Variants in ERBB4 observed in about 807,000 individuals in gnomAD.
The protein encoded by ERBB4 is erb-b2 receptor tyrosine kinase 4, also known as receptor tyrosine-protein kinase erbB-4.
In ERBB4, 42 loss-of-function variants were observed where a neutral mutation model predicts 158.0. The observed-to-expected ratio is 0.27, with a 90% CI of 0.21 to 0.34. ERBB4 has a LOEUF of 0.34. ERBB4 is among the 10% of genes least tolerant of loss of function. The pLI is 1.00. For missense variants in ERBB4, 1,333 were observed against 1,624.1 expected (o/e 0.82, Z 3.08); for synonymous variants, 583 against 558.7 (o/e 1.04, Z -0.61).
At chr2:211,430,854 C>A in intron 21 of ERBB4, 91 bp downstream of exon 21, 5 of 1,129,070 alleles carry the variant, frequency 4.4e-6, no homozygotes, top group Non-Finnish European at 6.7e-6. Context: ...TCCTAAGCTT[C>A]AGGCTTATTG....
chr2:212,290,309 C>CTA (rs1166816094), intron 1 of ERBB4, among the ~76,000 whole-genome samples: 3 of 152,118 alleles, frequency 2.0e-5, no homozygotes, highest in African/African-American at 7.2e-5. Context: ...CCAACGACTT[C>CTA]TACGTGTACA....
chr2:212,037,594 A>G (rs917597871), intron 2 of ERBB4, among the ~76,000 whole-genome samples: 1 of 152,224 alleles, frequency 6.6e-6, no homozygotes, highest in African/African-American at 2.4e-5. Context: ...CCAATGCAGA[A>G]GAATACAGAG....
intron 3 of ERBB4, among the ~76,000 whole-genome samples, chr2:211,825,473 T>A (rs2077081756): frequency 6.6e-6 from 1 of 151,772 alleles, no homozygotes; most frequent in African/African-American, 2.4e-5. Context: ...AACAACAAAT[T>A]AAATCCCATT....
intron 2 of ERBB4, among the ~76,000 whole-genome samples, chr2:212,123,557 A>T (rs2079825674): frequency 6.6e-6 from 1 of 152,262 alleles, no homozygotes; most frequent in Non-Finnish European, 1.5e-5. Context: ...CACATAACTT[A>T]CAGAAACAGA....
chr2:211,531,835 A>G (rs894022816), intron 20 of ERBB4, among the ~76,000 whole-genome samples: 1 of 152,140 alleles, frequency 6.6e-6, no homozygotes, highest in African/African-American at 2.4e-5. Flanking sequence ...GGAAATCAGT[A>G]TATCAAAGAG....
chr2:212,351,094 G>A (rs898653129), intron 1 of ERBB4, among the ~76,000 whole-genome samples: 2 of 152,136 alleles, frequency 1.3e-5, no homozygotes, highest in Non-Finnish European at 2.9e-5. Context: ...TCTACTTGGA[G>A]TATGTACTTG....
At chr2:212,123,552 A>C (rs1033096763) in intron 2 of ERBB4, among the ~76,000 whole-genome samples, 5 of 152,226 alleles carry the variant, frequency 3.3e-5, no homozygotes, top group Non-Finnish European at 5.9e-5. Flanking sequence ...TTTGACACAT[A>C]ACTTACAGAA....
intron 1 of ERBB4, among the ~76,000 whole-genome samples, chr2:212,329,823 G>T (rs1374596144): frequency 1.3e-5 from 2 of 152,020 alleles, no homozygotes; most frequent in African/African-American, 4.8e-5. Context: ...TCAGAAAAAG[G>T]TTCCTGAAGT....
Position 211,848,946 on chromosome 2 carries a change from T to C in ERBB4, c.422-60787A>G, listed in dbSNP as rs546463778. Among the ~76,000 whole-genome samples the C allele has an allele frequency of 1.5e-4, 23 of 152,210 alleles. No individual in the cohort carries two copies. In the South Asian group the frequency reaches 2.1e-3, roughly 14 times the overall value. ...AAATTTATTTCCAAAGTGATTGGTA[T>C]GTCATTGAGCAAACTACATACAAAA... On this transcript the variant is annotated intron_variant, in intron 3 of 27. Transcript: ENST00000342788.
chr2:212,523,207 T>A (rs904771727), intron 1 of ERBB4, among the ~76,000 whole-genome samples: 5 of 151,926 alleles, frequency 3.3e-5, no homozygotes, highest in Non-Finnish European at 5.9e-5. Context: ...TGTCTTTTTA[T>A]CTCCTTTTGA....
rs558759131 is a variant in ERBB4, at chr2:211,378,071, C to T, written c.*5544G>A. The T allele has an allele frequency of 6.4e-5, 15 of 233,058 alleles. No homozygotes were observed. The highest frequency in any genetic ancestry group is 1.5e-4 in the African/African-American group (7 of 45,382). 14.4% of individuals were successfully genotyped at this position (233,058 alleles called of 1,614,324 possible). On this transcript the variant is annotated 3_prime_UTR_variant, in exon 28 of 28. Transcript: ENST00000342788. ...GCTTAAGAAAGGAACAGGACAGCAT[C>T]GGGGGACTACTTTGAACCAGGGTGG... is the stretch of plus-strand genomic sequence containing the variant.
intron 1 of ERBB4, among the ~76,000 whole-genome samples, chr2:212,430,840 G>A (rs961190722): frequency 2.0e-5 from 3 of 151,962 alleles, no homozygotes; most frequent in African/African-American, 7.2e-5. Flanking sequence ...GGGGGATGGG[G>A]GAAGCAAGAG....
chr2:212,310,935 A>C (rs1372525148), intron 1 of ERBB4, among the ~76,000 whole-genome samples: 1 of 150,738 alleles, frequency 6.6e-6, no homozygotes, highest in African/African-American at 2.4e-5. Flanking sequence ...GCTATTTTAC[A>C]TTCTTTTCTA....
At chr2:212,532,699 C>T (rs756057474) in intron 1 of ERBB4, among the ~76,000 whole-genome samples, 14 of 152,162 alleles carry the variant, frequency 9.2e-5, no homozygotes, top group African/African-American at 2.4e-4. Context: ...GTGCTTTATT[C>T]GCTAGCATCA....
intron 12 of ERBB4, among the ~76,000 whole-genome samples, chr2:211,694,716 C>T (rs577595458): frequency 6.6e-5 from 10 of 152,124 alleles, no homozygotes; most frequent in African/African-American, 2.4e-4. Flanking sequence ...TGGTTCATAC[C>T]AAGCTATGGT....
At chr2:212,156,742 T>TA (rs2081046733) in intron 1 of ERBB4, among the ~76,000 whole-genome samples, 2 of 152,220 alleles carry the variant, frequency 1.3e-5, no homozygotes, top group Middle Eastern at 3.4e-3. Context: ...TCTAGTTCCT[T>TA]AGCTTAGTGT....
Position 211,428,418 on chromosome 2 carries a change from A to C in ERBB4, c.2709T>G (p.Val903=). Residue 903 remains valine (V), a synonymous_variant, in exon 22 of 28, where the codon GTT becomes GTG. Coordinates refer to ENST00000342788, the MANE Select transcript of ERBB4 (RefSeq NM_005235.3). ...AGAAGATTTATTTACCATAGCTCCA[A>C]ACGTCACTCTGATGGGTGAATTTCC... ...HYRKFTHQSD[V]WSYGVTIWEL... The C allele has an allele frequency of 6.3e-7, 1 of 1,579,682 alleles. No homozygotes were observed.
intron 7 of ERBB4, among the ~76,000 whole-genome samples, chr2:211,714,718 C>A (rs912067074): frequency 3.3e-5 from 5 of 152,120 alleles, no homozygotes; most frequent in Non-Finnish European, 2.9e-5. Flanking sequence ...TTGGGTCAGA[C>A]CTTATAGCCA....
intron 25 of ERBB4, among the ~76,000 whole-genome samples, chr2:211,399,089 A>C (rs562411128): frequency 2.0e-5 from 3 of 152,162 alleles, no homozygotes; most frequent in African/African-American, 7.2e-5. Flanking sequence ...CTTTGCCTTG[A>C]TTACATCGTG....
Sources: gnomAD v4.1 joint callset for allele counts (sites outside exome capture counted in the v4.1 genomes callset) on GRCh38, gnomAD v4.1.1 for gene constraint, MANE v1.5 for transcripts, NCBI Gene and HGNC (gene_info 2026-07-23, HGNC 2026-07-21) for gene names.